Variants in POU6F2 observed in about 807,000 individuals in gnomAD.
The protein encoded by POU6F2 is POU domain, class 6, transcription factor 2.
Under a neutral mutation model 71.3 loss-of-function variants are expected in POU6F2, and 31 were observed. The observed-to-expected ratio is 0.43, with a 90% CI of 0.33 to 0.59. The LOEUF is 0.59. Ranked by LOEUF, POU6F2 falls within the 20% of genes least tolerant of loss-of-function variation. The probability of loss-of-function intolerance (pLI) is 0.04; values close to 1 mark genes in which losing one functional copy is unlikely to be tolerated. For synonymous variants in POU6F2, 347 were observed against 355.7 expected (o/e 0.98, Z 0.27); for missense variants, 783 against 856.8 (o/e 0.91, Z 1.07).
At chr7:39,012,163 A>AGATT (rs1789312937) in intron 1 of POU6F2, among the ~76,000 whole-genome samples, 1 of 151,776 alleles carries the variant, frequency 6.6e-6, no homozygotes, top group South Asian at 2.1e-4. Context: ...AGGTACACCA[A>AGATT]TCAGACGTAG....
At chr7:39,315,203 C>G (rs963097651) in intron 4 of POU6F2, among the ~76,000 whole-genome samples, 5 of 152,192 alleles carry the variant, frequency 3.3e-5, no homozygotes, top group Non-Finnish European at 7.3e-5. Flanking sequence ...CTAATTCTAT[C>G]AAACCTAGGA....
chr7:39,336,540 A>G (rs1291846244), intron 4 of POU6F2, among the ~76,000 whole-genome samples: 1 of 152,188 alleles, frequency 6.6e-6, no homozygotes, highest in East Asian at 1.9e-4. Flanking sequence ...AAGCATTACC[A>G]CAAGGCTTCT....
intron 5 of POU6F2, among the ~76,000 whole-genome samples, chr7:39,358,474 T>C (rs897366550): frequency 6.6e-6 from 1 of 152,194 alleles, no homozygotes; most frequent in African/African-American, 2.4e-5. Context: ...ATGGGGACTC[T>C]TTAATAACAC....
At chr7:39,141,344 G>C (rs1431879321) in intron 2 of POU6F2, among the ~76,000 whole-genome samples, 1 of 152,172 alleles carries the variant, frequency 6.6e-6, no homozygotes, top group Non-Finnish European at 1.5e-5. Context: ...GAGTTTGGGG[G>C]AAATAGATTT....
intron 2 of POU6F2, among the ~76,000 whole-genome samples, chr7:39,120,151 A>G (rs1792010765): frequency 6.6e-6 from 1 of 152,180 alleles, no homozygotes; most frequent in Admixed American, 6.5e-5. Context: ...GTTCTATATT[A>G]TACTTCATAT....
At chr7:39,384,405 A>G (rs1786893769) in intron 5 of POU6F2, among the ~76,000 whole-genome samples, 2 of 152,228 alleles carry the variant, frequency 1.3e-5, no homozygotes, top group African/African-American at 4.8e-5. Context: ...GCTCTTATCA[A>G]TGATCATGTC....
chr7:39,202,626 G>A lies in POU6F2; in HGVS notation c.278-1609G>A, dbSNP rs114369975. 5.5e-3 allele frequency among the ~76,000 whole-genome samples: 842 copies of A among 152,262 alleles called. 11 individuals carry two copies. The highest frequency in any genetic ancestry group is 0.019 in the African/African-American group (788 of 41,546). On this transcript the variant is annotated intron_variant, in intron 2 of 9. Coordinates refer to ENST00000518318, the MANE Select transcript of POU6F2 (RefSeq NM_001370959.1). ...ATAAGAAAGAACAGAGACTTGCAAG[G>A]TTTGCACTGCACAAGCCATCTCCCA...
chr7:39,304,889 T>C (rs774734657), intron 4 of POU6F2, among the ~76,000 whole-genome samples: 4 of 152,218 alleles, frequency 2.6e-5, no homozygotes, highest in Non-Finnish European at 5.9e-5. Context: ...AGTGTGGTAA[T>C]AAATTCTAGA....
rs1044614219 is a variant in POU6F2, at chr7:39,311,558, T to G, written c.599-28084T>G. Among the ~76,000 whole-genome samples, 3 of 152,246 alleles carry G rather than the reference T, an allele frequency of 2.0e-5. No homozygotes were observed. In the South Asian group the frequency reaches 6.2e-4, roughly 31 times the overall value. On this transcript the variant is annotated intron_variant, in intron 4 of 9. Transcript: ENST00000518318. ...AAAACAGTGCCCGGCCCTTACTAGG[T>G]AGTCAATAAGTATTTGTTGAATTAA... is the stretch of plus-strand genomic sequence containing the variant.
At chr7:39,034,311 A>C (rs1584510387) in intron 1 of POU6F2, 1 of 170,136 alleles carries the variant, frequency 5.9e-6, no homozygotes, top group East Asian at 1.6e-4. Flanking sequence ...GGAAGGAAGA[A>C]ACGTTCAGTA....
At chr7:39,454,498 A>G (rs1788736659) in intron 8 of POU6F2, among the ~76,000 whole-genome samples, 1 of 151,134 alleles carries the variant, frequency 6.6e-6, no homozygotes, top group Admixed American at 6.6e-5. Context: ...AGATGTTCCT[A>G]TCATCCAGGA....
chr7:39,153,646 T>A (rs141370000), intron 2 of POU6F2, among the ~76,000 whole-genome samples: 4 of 152,310 alleles, frequency 2.6e-5, no homozygotes, highest in African/African-American at 9.6e-5. Flanking sequence ...ACAGATACAC[T>A]GATTAAGCTG....
chr7:39,063,899 C>T (rs182481584), intron 1 of POU6F2, among the ~76,000 whole-genome samples: 1 of 152,084 alleles, frequency 6.6e-6, no homozygotes, highest in African/African-American at 2.4e-5. Flanking sequence ...AGCAATATAA[C>T]AAATTTAGTT....
intron 1 of POU6F2, among the ~76,000 whole-genome samples, chr7:39,041,737 C>T (rs1367083615): frequency 1.3e-5 from 2 of 151,688 alleles, no homozygotes; most frequent in African/African-American, 4.8e-5. Flanking sequence ...TAAAATTTTG[C>T]CTTATGATAT....
rs528078576 is a variant in POU6F2, at chr7:39,412,910, C to G, written c.1113+6170C>G. 2.4e-4 allele frequency among the ~76,000 whole-genome samples: 35 copies of G among 146,942 alleles called. 1 individual carries two copies. The South Asian group carries it at 7.7e-3, about 32-fold the overall frequency. ...CCGCCTCCCAGGTGCATGCCATTCT[C>G]CTGCCTCATCCTCCCAAGTAGCTGG... On this transcript the variant is annotated intron_variant, in intron 6 of 9. Coordinates refer to ENST00000518318, the MANE Select transcript of POU6F2 (RefSeq NM_001370959.1).
At position 39,458,025 on chromosome 7, in the gene POU6F2, C is replaced by G. The variant is rs796229781; in HGVS notation, c.1490-2522C>G. On this transcript the variant is annotated intron_variant, in intron 8 of 9. Coordinates refer to ENST00000518318, the MANE Select transcript of POU6F2 (RefSeq NM_001370959.1). Reference sequence around the variant, plus strand: ...CTCCTTCCTCCCCACCCCGCCCCCCCATAACATTTTAATACCACAGATATG... The same window carrying G: ...CTCCTTCCTCCCCACCCCGCCCCCCGATAACATTTTAATACCACAGATATG... Among the ~76,000 whole-genome samples the G allele has an allele frequency of 7.9e-5, 12 of 151,088 alleles. 1 individual carries two copies. The highest frequency in any genetic ancestry group is 2.4e-4 in the African/African-American group (10 of 41,120).
chr7:39,278,754 C>T (rs1784507648), intron 4 of POU6F2, among the ~76,000 whole-genome samples: 1 of 152,178 alleles, frequency 6.6e-6, no homozygotes, highest in Non-Finnish European at 1.5e-5. Flanking sequence ...GCTATACAGG[C>T]AGGAACAGTG....
intron 2 of POU6F2, among the ~76,000 whole-genome samples, chr7:39,108,757 AT>A (rs1562709249): frequency 6.6e-6 from 1 of 152,246 alleles, no homozygotes; most frequent in Non-Finnish European, 1.5e-5. Flanking sequence ...AGATAAAACA[AT>A]CATTAACCAA....
At chr7:39,162,340 G>T (rs147012425) in intron 2 of POU6F2, among the ~76,000 whole-genome samples, 1 of 152,192 alleles carries the variant, frequency 6.6e-6, no homozygotes, top group Non-Finnish European at 1.5e-5. Context: ...AGTGGTACAC[G>T]TTCAGTAAGC....
Sources: gnomAD v4.1 joint callset for allele counts (sites outside exome capture counted in the v4.1 genomes callset) on GRCh38, gnomAD v4.1.1 for gene constraint, MANE v1.5 for transcripts, NCBI Gene and HGNC (gene_info 2026-07-23, HGNC 2026-07-21) for gene names.